The following DOCK10 variants were observed in gnomAD, a reference collection of about 807,000 sequenced individuals.
DOCK10 encodes dedicator of cytokinesis 10.
In DOCK10, 145 loss-of-function variants were observed where a neutral mutation model predicts 280.1. That is an observed-to-expected ratio of 0.52 (90% confidence interval 0.45 to 0.59). DOCK10 has a LOEUF of 0.59. DOCK10 is among the 20% of genes least tolerant of loss of function. DOCK10 has a pLI of 0.00. For synonymous variants in DOCK10, 915 were observed against 942.2 expected (o/e 0.97, Z 0.53); for missense variants, 2,368 against 2,651.7 (o/e 0.89, Z 2.35).
intron 1 of DOCK10, among the ~76,000 whole-genome samples, chr2:225,039,938 T>C (rs559686588): frequency 6.6e-6 from 1 of 152,302 alleles, no homozygotes; most frequent in East Asian, 1.9e-4. Flanking sequence ...TACCTTGCAA[T>C]AGAGGATGGC....
chr2:225,014,907 T>G (rs1394532348), intron 1 of DOCK10, among the ~76,000 whole-genome samples: 2 of 152,200 alleles, frequency 1.3e-5, no homozygotes, highest in Non-Finnish European at 2.9e-5. Flanking sequence ...TTGTTAATAT[T>G]TTTATGGACA....
intron 1 of DOCK10, among the ~76,000 whole-genome samples, chr2:225,040,951 A>C (rs1400650363): frequency 1.3e-5 from 2 of 152,180 alleles, no homozygotes; most frequent in Non-Finnish European, 2.9e-5. Context: ...GTGAGCTAAC[A>C]GTTGAACCAC....
chr2:224,880,940 CT>C (rs1395431802), intron 7 of DOCK10, among the ~76,000 whole-genome samples: 1 of 105,278 alleles, frequency 9.5e-6, no homozygotes, highest in African/African-American at 7.4e-5. Flanking sequence ...CCTCTCCACT[CT>C]CTGTAGGTTT....
chr2:224,838,740 A>G (rs1695751990), intron 24 of DOCK10, among the ~76,000 whole-genome samples: 1 of 152,218 alleles, frequency 6.6e-6, no homozygotes, highest in Non-Finnish European at 1.5e-5. Flanking sequence ...GCTATGACTA[A>G]ATTTTTTAAA....
chr2:224,810,461 G>A (rs982000024), intron 31 of DOCK10, among the ~76,000 whole-genome samples: 1 of 151,934 alleles, frequency 6.6e-6, no homozygotes, highest in Non-Finnish European at 1.5e-5. Flanking sequence ...TTGTATATTT[G>A]AAATCTATTT....
chr2:224,851,443 CCTT>C (rs1483627930), intron 18 of DOCK10, among the ~76,000 whole-genome samples: 4 of 134,414 alleles, frequency 3.0e-5, no homozygotes, highest in East Asian at 4.0e-4. Context: ...TGGCTCAAGA[CCTT>C]CTTTTTTTTT....
chr2:224,942,188 ACCC>A (rs1703130404), intron 1 of DOCK10, among the ~76,000 whole-genome samples: 1 of 152,072 alleles, frequency 6.6e-6, no homozygotes, highest in African/African-American at 2.4e-5. Flanking sequence ...AATTACAGGT[ACCC>A]CTCCCATTTC....
intron 30 of DOCK10, 62 bp from the exon 31 acceptor site, chr2:224,814,426 T>C: frequency 5.6e-6 from 5 of 898,640 alleles, no homozygotes; most frequent in Non-Finnish European, 8.2e-6. Flanking sequence ...TACATATGTA[T>C]TCATTATGTG....
intron 1 of DOCK10, among the ~76,000 whole-genome samples, chr2:225,002,398 CA>C (rs1479944069): frequency 6.6e-6 from 1 of 152,166 alleles, no homozygotes; most frequent in Non-Finnish European, 1.5e-5. Flanking sequence ...TGAATAAAAG[CA>C]GGCACAGACC....
chr2:224,922,075 C>T (rs543838409), intron 2 of DOCK10, among the ~76,000 whole-genome samples: 124 of 145,870 alleles, frequency 8.5e-4, no homozygotes, highest in South Asian at 4.9e-3. Context: ...GTCGAGATGG[C>T]GCCACTGTAC....
intron 43 of DOCK10, 122 bp from the exon 44 acceptor site, chr2:224,796,548 T>C: frequency 1.6e-6 from 1 of 635,956 alleles, no homozygotes; most frequent in Non-Finnish European, 2.7e-6. Context: ...AAGAAGTGTT[T>C]ATGTATTAAA....
At chr2:224,774,862 C>T in intron 52 of DOCK10, 43 bp downstream of exon 52, 1 of 1,540,724 alleles carries the variant, frequency 6.5e-7, no homozygotes, top group Non-Finnish European at 8.8e-7. Flanking sequence ...GGGGCCTGTG[C>T]TGGAACAGGT....
At chr2:225,000,525 T>C (rs1343693726) in intron 1 of DOCK10, among the ~76,000 whole-genome samples, 1 of 152,150 alleles carries the variant, frequency 6.6e-6, no homozygotes, top group Admixed American at 6.5e-5. Flanking sequence ...GCCAATCCTG[T>C]GAGAAGGCCT....
At chr2:224,965,330 C>G (rs1244682092) in intron 1 of DOCK10, among the ~76,000 whole-genome samples, 1 of 152,070 alleles carries the variant, frequency 6.6e-6, no homozygotes, top group Admixed American at 6.5e-5. Context: ...GAAAAGTACC[C>G]GTTTTCTGAC....
intron 1 of DOCK10, among the ~76,000 whole-genome samples, chr2:225,033,277 G>A (rs1401762546): frequency 6.6e-6 from 1 of 152,000 alleles, no homozygotes; most frequent in East Asian, 1.9e-4. Flanking sequence ...CCGCCTCCCA[G>A]GTTCAAGCAA....
chr2:224,837,801 A>G lies in DOCK10; in HGVS notation c.2811T>C (p.His937=). 3.1e-6 allele frequency: 5 copies of G among 1,613,974 alleles called. No individual in the cohort carries two copies. The highest frequency in any genetic ancestry group is 4.5e-5 in the East Asian group (2 of 44,884). The change falls in exon 25 of 56, where the codon CAT becomes CAC. Residue 937 remains histidine (H), a synonymous_variant. Coordinates refer to ENST00000258390, the MANE Select transcript of DOCK10 (RefSeq NM_014689.3). ...GGACAGAATGATCCAGCTGCTCCTC[A>G]TGGCACTTGGCCACAATGTCGGTCA... ...RVLTDIVAKC[H]EEQLDHSVQS...
intron 2 of DOCK10, among the ~76,000 whole-genome samples, chr2:224,922,494 C>CTAT (rs1330557806): frequency 1.3e-5 from 2 of 152,308 alleles, no homozygotes; most frequent in African/African-American, 2.4e-5. Flanking sequence ...AGGAGCCTAT[C>CTAT]TATTGTCCAG....
intron 1 of DOCK10, among the ~76,000 whole-genome samples, chr2:225,025,240 G>T (rs1234910730): frequency 6.6e-6 from 1 of 152,150 alleles, no homozygotes; most frequent in Non-Finnish European, 1.5e-5. Flanking sequence ...GCAGGAGAAA[G>T]ACCAAATTAA....
At chr2:224,838,924 T>C (rs570238503) in intron 24 of DOCK10, among the ~76,000 whole-genome samples, 37 of 152,312 alleles carry the variant, frequency 2.4e-4, no homozygotes, top group Non-Finnish European at 3.7e-4. Context: ...AAAAGGTTCT[T>C]GTGGGAATGC....
Sources: gnomAD v4.1 joint callset for allele counts (sites outside exome capture counted in the v4.1 genomes callset) on GRCh38, gnomAD v4.1.1 for gene constraint, MANE v1.5 for transcripts, NCBI Gene and HGNC (gene_info 2026-07-23, HGNC 2026-07-21) for gene names.